The following POGK variants were observed in gnomAD, a reference collection of about 807,000 sequenced individuals.
POGK encodes the protein pogo transposable element with KRAB domain.
POGK carries 16 observed loss-of-function variants against 54.4 expected under a neutral mutation model. The ratio of observed to expected loss-of-function variants is 0.29; its 90% confidence interval spans 0.20 to 0.45. The LOEUF is 0.45. POGK is among the 20% of genes least tolerant of loss of function. The pLI, the probability that POGK is intolerant of heterozygous loss-of-function variation, is 1.00. For synonymous variants in POGK, 271 were observed against 302.2 expected (o/e 0.90, Z 1.07); for missense variants, 515 against 795.6 (o/e 0.65, Z 4.24).
chr1:166,850,627 G>A, intron 5 of POGK: 1 of 523,980 alleles, frequency 1.9e-6, no homozygotes, highest in Non-Finnish European at 3.3e-6. Flanking sequence ...GAGGTGAGCG[G>A]CAGGTGAGCA....
rs374953651 is a variant in POGK, at chr1:166,849,545, G to A, written c.966G>A (p.Arg322=). Reference sequence around the variant, plus strand: ...TGAGAAGGTATGACCTGTCTCTGAGGCATAAAGTGCCCGTGCCCCAGCACC... The same window carrying A: ...TGAGAAGGTATGACCTGTCTCTGAGACATAAAGTGCCCGTGCCCCAGCACC... ...RMMRRYDLSL[R]HKVPVPQHLP... Residue 322 remains arginine (R), a synonymous_variant, in exon 5 of 6, where the codon AGG becomes AGA. Coordinates refer to ENST00000367876, the MANE Select transcript of POGK (RefSeq NM_017542.5). The A allele has an allele frequency of 2.0e-5, 32 of 1,614,170 alleles. No homozygotes were observed. The highest frequency in any genetic ancestry group is 3.3e-4 in the Middle Eastern group (2 of 6,084).
Position 166,839,576 on chromosome 1 carries a change from A to G in POGK, c.-31A>G, listed in dbSNP as rs1164713419. On this transcript the variant is annotated 5_prime_UTR_variant, in exon 1 of 6. Coordinates refer to ENST00000367876, the MANE Select transcript of POGK (RefSeq NM_017542.5). ...GCCGGGCCGGAGCCCTCGCGTCCCC[A>G]CCCCGCGCCCTGGCCGCTGGGCCCG... 1 of 145,668 alleles carries G rather than the reference A, an allele frequency of 6.9e-6. No individual in the cohort carries two copies. The highest frequency in any genetic ancestry group is 1.5e-5 in the Non-Finnish European group (1 of 66,176). 9.0% of individuals were successfully genotyped at this position (145,668 alleles called of 1,614,324 possible). A position where few individuals can be genotyped will look rare whatever the true frequency, so the allele number is the denominator to read the frequency against.
At chr1:166,840,615 C>T (rs565227625) in intron 1 of POGK, among the ~76,000 whole-genome samples, 1 of 152,340 alleles carries the variant, frequency 6.6e-6, no homozygotes. Flanking sequence ...TGAGAAAGTA[C>T]TGCCTTTCTC....
Position 166,840,987 on chromosome 1 carries a change from A to G in POGK, c.31A>G (p.Ser11Gly). 1 of 1,614,038 alleles carries G rather than the reference A, an allele frequency of 6.2e-7. No homozygotes were observed. Among genetic ancestry groups the G allele is most frequent in the South Asian group, 1.1e-5 (1 of 91,076 alleles). Residue 11 changes from serine (S) to glycine (G), a missense_variant, in exon 2 of 6, where the codon AGC (serine) becomes GGC (glycine). This residue lies in a region of POGK where 54 missense variants were observed against 52.0 expected (regional missense o/e 1.04). Coordinates refer to ENST00000367876, the MANE Select transcript of POGK (RefSeq NM_017542.5). Reference protein sequence around the residue: MESTAYPLNLSLKEEEEEEEI... With the variant: MESTAYPLNLGLKEEEEEEEI... ...GTCCACAGCCTACCCTCTCAATTTG[A>G]GCCTGAAAGAAGAGGAAGAGGAAGA...
In POGK at chr1:166,850,230, G is replaced by T. The variant is rs768292338; in HGVS notation, c.1651G>T (p.Val551Phe). Residue 551 changes from valine to phenylalanine, a missense_variant, in exon 5 of 6, where the codon GTC becomes TTC. Val to Phe is a conservative substitution (Grantham distance 50, BLOSUM62 -1). Transcript: ENST00000367876. ...ACCCCTGGGCCTCTTTCTGGAGTGG[G>T]TCATGGTCGCGTGGAATAGCATCTC... is the stretch of plus-strand genomic sequence containing the variant. ...KPPLGLFLEW[V>F]MVAWNSISSE... 162 of 1,555,978 alleles carry T rather than the reference G, an allele frequency of 1.0e-4. 1 individual carries two copies. The highest frequency in any genetic ancestry group is 1.3e-4 in the Non-Finnish European group (145 of 1,149,242).
At chr1:166,839,925 C>G (rs1360508234) in intron 1 of POGK, among the ~76,000 whole-genome samples, 1 of 150,040 alleles carries the variant, frequency 6.7e-6, no homozygotes, top group East Asian at 2.0e-4. Flanking sequence ...GTGGCGCAGG[C>G]GGGGCAGGGC....
At chr1:166,847,965 C>G (rs922447104) in intron 4 of POGK, among the ~76,000 whole-genome samples, 3 of 152,160 alleles carry the variant, frequency 2.0e-5, no homozygotes, top group Non-Finnish European at 4.4e-5. Context: ...TCCTGAGTTA[C>G]CTGGCTCCCT....
chr1:166,839,685 G>C (rs1013243245), intron 1 of POGK, 81 bp downstream of exon 1: 1 of 131,280 alleles, frequency 7.6e-6, no homozygotes, highest in Non-Finnish European at 1.7e-5. Flanking sequence ...AGAGGCGGGG[G>C]CGCCGAGGCT....
rs1658160019 is a variant in POGK, at chr1:166,853,583, CTATAG to C, written c.*1016_*1020del. On this transcript the variant is annotated 3_prime_UTR_variant, in exon 6 of 6. Transcript: ENST00000367876. ...GGTGGGAAGTCATTGAATTTTTACA[CTATAG>C]TAATTTGCATTCCCACATAAGTTTG... is the stretch of plus-strand genomic sequence containing the variant. 1 of 152,656 alleles carries C rather than the reference CTATAG, an allele frequency of 6.6e-6. No homozygotes were observed. Among genetic ancestry groups the C allele is most frequent in the South Asian group, 2.1e-4 (1 of 4,838 alleles). The allele number at this position is 152,656 out of a possible 1,614,324, so 9.5% of individuals were successfully genotyped here.
At chr1:166,850,501 T>A (rs2101768088) in intron 5 of POGK, 78 bp downstream of exon 5, 1 of 1,457,596 alleles carries the variant, frequency 6.9e-7, no homozygotes, top group East Asian at 2.4e-5. Flanking sequence ...CCATTATTTT[T>A]CTGTTTTTAA....
chr1:166,843,741 C>T (rs1412613668), intron 2 of POGK, among the ~76,000 whole-genome samples: 1 of 152,112 alleles, frequency 6.6e-6, no homozygotes, highest in Non-Finnish European at 1.5e-5. Context: ...CACTTTACAA[C>T]ATTTACCCTT....
rs975199795 is a variant in POGK at position 166,855,405 on chromosome 1, G to A, written c.*2835G>A. On this transcript the variant is annotated 3_prime_UTR_variant, in exon 6 of 6. Coordinates refer to ENST00000367876, the MANE Select transcript of POGK (RefSeq NM_017542.5). ...TAATTAGAGAAGCGATTGCACTCGA[G>A]TCCCCACAGCTGGCAGTGGTGTTAC... The A allele has an allele frequency of 2.0e-5, 3 of 152,158 alleles. No homozygotes were observed. Among genetic ancestry groups the A allele is most frequent in the African/African-American group, 7.2e-5 (3 of 41,434 alleles). The allele number at this position is 152,158 out of a possible 1,614,324, so 9.4% of individuals were successfully genotyped here. A position where few individuals can be genotyped will look rare whatever the true frequency, so the allele number is the denominator to read the frequency against.
In POGK at chr1:166,840,975, C is replaced by A. The variant is rs1167894782; in HGVS notation, c.19C>A (p.Pro7Thr). ...TGCAGAGATGGAGTCCACAGCCTAC[C>A]CTCTCAATTTGAGCCTGAAAGAAGA... MESTAY[P>T]LNLSLKEEEE... is the part of the protein sequence containing the mutation. Residue 7 changes from proline to threonine, a missense_variant, in exon 2 of 6, where the codon CCT becomes ACT. Around this residue, in one of 2 missense-constraint regions of POGK, gnomAD observed 54 missense variants for 52.0 expected, o/e 1.04. Transcript: ENST00000367876. 1 of 1,613,964 alleles carries A rather than the reference C, an allele frequency of 6.2e-7. No individual in the cohort carries two copies. Among genetic ancestry groups the A allele is most frequent in the Non-Finnish European group, 8.5e-7 (1 of 1,179,934 alleles).
chr1:166,841,017 A>T lies in POGK; in HGVS notation c.61A>T (p.Ile21Phe), dbSNP rs772413101. The T allele has an allele frequency of 2.5e-6, 4 of 1,613,948 alleles. No homozygotes were observed. In the African/African-American group the frequency reaches 5.3e-5, roughly 22 times the overall value. ...GAAAGAAGAGGAAGAGGAAGAAGAG[A>T]TTCAGAGCCGGGAACTAGAGGACGG... ...SLKEEEEEEE[I>F]QSRELEDGPA... The change falls in exon 2 of 6, where the codon ATT becomes TTT. Residue 21 changes from isoleucine to phenylalanine, a missense_variant. This residue lies in a region of POGK where 54 missense variants were observed against 52.0 expected (regional missense o/e 1.04). Transcript: ENST00000367876.
Position 166,847,498 on chromosome 1 carries a change from C to A in POGK, c.264C>A (p.Phe88Leu). 1.9e-6 allele frequency: 3 copies of A among 1,613,204 alleles called. No homozygotes were observed. The highest frequency in any genetic ancestry group is 2.5e-6 in the Non-Finnish European group (3 of 1,179,312). Residue 88 changes from phenylalanine (F) to leucine (L), a missense_variant, in exon 4 of 6, where the codon TTC becomes TTA. Transcript: ENST00000367876. ...TATTTTATTTCCTATAAACAGAATT[C>A]CCATTCCCTAAGCCAGACATGATCA... is the stretch of plus-strand genomic sequence containing the variant. ...MNYETVLSLE[F>L]PFPKPDMITR... is the part of the protein sequence containing the mutation.
In POGK at chr1:166,849,465, A is replaced by G. The variant is rs1303825945; in HGVS notation, c.886A>G (p.Met296Val). 1 of 1,614,136 alleles carries G rather than the reference A, an allele frequency of 6.2e-7. No homozygotes were observed. The highest frequency in any genetic ancestry group is 8.5e-7 in the Non-Finnish European group (1 of 1,180,054). ...QLKALEIAQE[M>V]NIPEKGFKAS... The stretch of plus-strand genomic sequence containing the variant: ...GAAAGCTCTCGAAATCGCCCAGGAA[A>G]TGAACATTCCAGAGAAAGGGTTCAA... The change falls in exon 5 of 6, where the codon ATG (methionine) becomes GTG (valine). Residue 296 changes from methionine (M) to valine (V), a missense_variant. Met to Val is a conservative substitution (Grantham distance 21, BLOSUM62 1). This residue lies in a region of POGK where 461 missense variants were observed against 743.5 expected (regional missense o/e 0.62). Coordinates refer to ENST00000367876, the MANE Select transcript of POGK (RefSeq NM_017542.5).
chr1:166,849,143 G>A lies in POGK; in HGVS notation c.564G>A (p.Gly188=), dbSNP rs1401578099. Residue 188 remains glycine, a synonymous_variant, in exon 5 of 6, where the codon GGG becomes GGA. Transcript: ENST00000367876. ...GYDLSADDIA[G]KFQFSRGMRR... is the part of the protein sequence containing the mutation. ...ACCTCTCGGCTGATGACATAGCTGGGAAGTTTCAGTTCAGCCGGGGCATGC... is the reference window on the plus strand; with the variant it reads ...ACCTCTCGGCTGATGACATAGCTGGAAAGTTTCAGTTCAGCCGGGGCATGC... 6.2e-7 allele frequency: 1 copy of A among 1,614,106 alleles called. No individual in the cohort carries two copies. Among genetic ancestry groups the A allele is most frequent in the Non-Finnish European group, 8.5e-7 (1 of 1,180,050 alleles).
chr1:166,849,026 C>T lies in POGK; in HGVS notation c.447C>T (p.Ser149=). 2 of 1,614,186 alleles carry T rather than the reference C, an allele frequency of 1.2e-6. No homozygotes were observed. The highest frequency in any genetic ancestry group is 1.7e-6 in the Non-Finnish European group (2 of 1,180,034). ...SQFPQPQHFD[S]FGLRLPRDIT... is the part of the protein sequence containing the mutation. ...TTCCTCAGCCTCAGCACTTTGACAG[C>T]TTTGGCCTCCGTCTGCCTCGGGATA... is the stretch of plus-strand genomic sequence containing the variant. The change falls in exon 5 of 6, where the codon AGC becomes AGT. Residue 149 remains serine (S), a synonymous_variant. Coordinates refer to ENST00000367876, the MANE Select transcript of POGK (RefSeq NM_017542.5).
intron 2 of POGK, among the ~76,000 whole-genome samples, chr1:166,845,821 A>C (rs1657822367): frequency 6.6e-6 from 1 of 152,228 alleles, no homozygotes; most frequent in Non-Finnish European, 1.5e-5. Context: ...GCCTTGGGCT[A>C]CTGAGGAGCC....
Sources: gnomAD v4.1 joint callset for allele counts (sites outside exome capture counted in the v4.1 genomes callset) on GRCh38, gnomAD v4.1.1 for gene constraint, gnomAD v4.1.1 regional missense constraint, MANE v1.5 for transcripts, NCBI Gene and HGNC (gene_info 2026-07-23, HGNC 2026-07-21) for gene names.